The following ENPP1 variants were observed in gnomAD, a reference collection of about 807,000 sequenced individuals.
ENPP1 encodes ectonucleotide pyrophosphatase/phosphodiesterase family member 1.
A neutral mutation model predicts 122.8 loss-of-function variants in ENPP1; 73 were observed. That is an observed-to-expected ratio of 0.59 (90% CI 0.49 to 0.72). The LOEUF is 0.72. ENPP1 is among the 30% of genes least tolerant of loss of function. The probability of loss-of-function intolerance (pLI) is 0.00; values close to 1 mark genes in which losing one functional copy is unlikely to be tolerated. For synonymous variants in ENPP1, 367 were observed against 391.6 expected, an observed-to-expected ratio of 0.94 and a Z score of 0.74; for missense variants, 978 against 1,128.1, an observed-to-expected ratio of 0.87 and a Z score of 1.91.
Position 131,875,574 on chromosome 6 carries a change from A to C in ENPP1, c.1636-202A>C, listed in dbSNP as rs75998327. 0.015 allele frequency among the ~76,000 whole-genome samples: 2,248 copies of C among 152,340 alleles called. 58 individuals carry two copies. Among genetic ancestry groups the C allele is most frequent in the African/African-American group, 0.048 (1,996 of 41,570 alleles). ...TCAAACCAAGAATTGTAGTAAAACT[A>C]AGAGACCTATCCTAGATGTCCTTAG... On this transcript the variant is annotated intron_variant, in intron 16 of 24. Transcript: ENST00000647893.
intron 1 of ENPP1, among the ~76,000 whole-genome samples, chr6:131,847,002 A>G (rs1294440329): frequency 6.6e-6 from 1 of 152,152 alleles, no homozygotes; most frequent in African/African-American, 2.4e-5. Context: ...CAACCCTTAA[A>G]TTTTATAGAT....
rs371904889 is a variant in ENPP1, at chr6:131,876,737, A to C, written c.1724-255A>C. On this transcript the variant is annotated intron_variant, in intron 17 of 24. Coordinates refer to ENST00000647893, the MANE Select transcript of ENPP1 (RefSeq NM_006208.3). Reference sequence around the variant, plus strand: ...TGATTGGCAAAAATATGCATTCAACAGGTTGTGACTGTAGTTATTGTATGC... The same window carrying C: ...TGATTGGCAAAAATATGCATTCAACCGGTTGTGACTGTAGTTATTGTATGC... Among the ~76,000 whole-genome samples the C allele has an allele frequency of 1.6e-4, 24 of 152,356 alleles. No homozygotes were observed. In the East Asian group the frequency reaches 4.6e-3, roughly 29 times the overall value.
rs1014261171 is a variant in ENPP1, at chr6:131,854,843, T to C, written c.618-83T>C. 21 of 935,654 alleles carry C rather than the reference T, an allele frequency of 2.2e-5. No homozygotes were observed. The Admixed American group carries it at 2.4e-4, about 11-fold the overall frequency. 58.0% of individuals were successfully genotyped at this position (935,654 alleles called of 1,614,324 possible). On this transcript the variant is annotated intron_variant, in intron 5 of 24. Transcript: ENST00000647893. ...CTTAGTGGAAAATCTTCACTGGACC[T>C]GTGCCAAGAAGGGGGTACATCTTCA...
At chr6:131,836,584 A>G (rs1025509710) in intron 1 of ENPP1, among the ~76,000 whole-genome samples, 6 of 152,224 alleles carry the variant, frequency 3.9e-5, no homozygotes, top group Admixed American at 2.0e-4. Context: ...AAATAATAGA[A>G]GAACTTGGCG....
intron 22 of ENPP1, 135 bp from the exon 23 acceptor site, chr6:131,884,796 C>A: frequency 9.4e-7 from 1 of 1,065,480 alleles, no homozygotes. Flanking sequence ...CAAAACAAAA[C>A]GAAGACTGAA....
chr6:131,809,664 C>T (rs1781323899), intron 1 of ENPP1, among the ~76,000 whole-genome samples: 1 of 152,296 alleles, frequency 6.6e-6, no homozygotes, highest in South Asian at 2.1e-4. Context: ...GTTTCACACA[C>T]GATGAGGTAG....
intron 1 of ENPP1, among the ~76,000 whole-genome samples, chr6:131,840,066 A>AT (rs1282716444): frequency 6.6e-6 from 1 of 152,268 alleles, no homozygotes; most frequent in Middle Eastern, 3.4e-3. Context: ...TTGTTTTAGG[A>AT]TTTTTCACAG....
intron 1 of ENPP1, among the ~76,000 whole-genome samples, chr6:131,846,923 C>A (rs1315240909): frequency 6.6e-6 from 1 of 152,108 alleles, no homozygotes; most frequent in Non-Finnish European, 1.5e-5. Flanking sequence ...ATGTCAAAGA[C>A]CAGAAGAGTG....
rs1210052067 is a variant in ENPP1, at chr6:131,892,084, G to C, written c.*1573G>C. On this transcript the variant is annotated 3_prime_UTR_variant, in exon 25 of 25. Coordinates refer to ENST00000647893, the MANE Select transcript of ENPP1 (RefSeq NM_006208.3). ...TGCTTGTTGAAGAATTTTTATGATG[G>C]CTGCTGTAAAATCCTTATCAGATAA... The C allele has an allele frequency of 6.6e-6, 1 of 151,910 alleles. No individual in the cohort carries two copies. Among genetic ancestry groups the C allele is most frequent in the Non-Finnish European group, 1.5e-5 (1 of 67,984 alleles). 9.4% of individuals were successfully genotyped at this position (151,910 alleles called of 1,614,324 possible). A position where few individuals can be genotyped will look rare whatever the true frequency, so the allele number is the denominator to read the frequency against.
chr6:131,821,995 A>T lies in ENPP1; in HGVS notation c.240+13720A>T, dbSNP rs560131627. On this transcript the variant is annotated intron_variant, in intron 1 of 24. Coordinates refer to ENST00000647893, the MANE Select transcript of ENPP1 (RefSeq NM_006208.3). ...CCATTTCGATTATAATCTCTGGGAT[A>T]CTAGGAAACAGGTGAATGAAATATT... 2.0e-5 allele frequency among the ~76,000 whole-genome samples: 3 copies of T among 152,356 alleles called. No homozygotes were observed. The South Asian group carries it at 6.2e-4, about 32-fold the overall frequency.
chr6:131,829,816 C>G (rs1194793664), intron 1 of ENPP1, among the ~76,000 whole-genome samples: 3 of 152,158 alleles, frequency 2.0e-5, no homozygotes, highest in East Asian at 3.9e-4. Flanking sequence ...AGCTGGGACC[C>G]TGGGCAGATG....
rs531735642 is a variant in ENPP1, at chr6:131,865,867, G to C, written c.1164+929G>C. ...AAAAATTAGCCGGGCCTGGTGGTGTGTGCCTATAATCCCAGCTACTCAGGA... is the reference window on the plus strand; with the variant it reads ...AAAAATTAGCCGGGCCTGGTGGTGTCTGCCTATAATCCCAGCTACTCAGGA... On this transcript the variant is annotated intron_variant, in intron 11 of 24. Transcript: ENST00000647893. 1.1e-4 allele frequency among the ~76,000 whole-genome samples: 17 copies of C among 152,114 alleles called. No homozygotes were observed. The East Asian group carries it at 3.1e-3, about 28-fold the overall frequency.
At chr6:131,882,988 T>G (rs1327443935) in intron 21 of ENPP1, among the ~76,000 whole-genome samples, 3 of 152,164 alleles carry the variant, frequency 2.0e-5, no homozygotes, top group African/African-American at 7.2e-5. Flanking sequence ...GAGAAGTAGG[T>G]AAAGGTAGAG....
Position 131,847,750 on chromosome 6 carries a change from T to C in ENPP1, c.241-26T>C, listed in dbSNP as rs572771878. The C allele has an allele frequency of 1.4e-5, 20 of 1,474,138 alleles. No individual in the cohort carries two copies. In the South Asian group the frequency reaches 1.9e-4, roughly 14 times the overall value. 91.3% of individuals were successfully genotyped at this position (1,474,138 alleles called of 1,614,324 possible). On this transcript the variant is annotated intron_variant, in intron 1 of 24. Coordinates refer to ENST00000647893, the MANE Select transcript of ENPP1 (RefSeq NM_006208.3). ...AAAATATTTTTTAAAAAAGAAACCA[T>C]GTAATTTTCTCTTTTCTCCCTACAG... is the stretch of plus-strand genomic sequence containing the variant.
At position 131,878,530 on chromosome 6, in the gene ENPP1, A is replaced by G. The variant is rs1197089430; in HGVS notation, c.1894-12A>G. The G allele has an allele frequency of 1.3e-6, 2 of 1,593,376 alleles. No homozygotes were observed. Among genetic ancestry groups the G allele is most frequent in the South Asian group, 2.2e-5 (2 of 90,546 alleles). ...TCTCAGTCCTTAAAAATAGTTTTAT[A>G]ACCTTTTTTAGATTTTGCCGATTGA... is the stretch of plus-strand genomic sequence containing the variant. On this transcript the variant is annotated splice_polypyrimidine_tract_variant and intron_variant, in intron 18 of 24. Coordinates refer to ENST00000647893, the MANE Select transcript of ENPP1 (RefSeq NM_006208.3).
rs1482752718 is a variant in ENPP1 at position 131,817,772 on chromosome 6, C to CACACAG, written c.240+9502_240+9503insGACACA. 3.3e-5 allele frequency among the ~76,000 whole-genome samples: 5 copies of CACACAG among 151,588 alleles called. No individual in the cohort carries two copies. The South Asian group carries it at 8.3e-4, about 25-fold the overall frequency. ...CTCTCCATACACACACACACACACACACACACACACACACGTGTGTATGTA... is the reference window on the plus strand; with the variant it reads ...CTCTCCATACACACACACACACACACACACAGACACACACACACACGTGTGTATGTA... On this transcript the variant is annotated intron_variant, in intron 1 of 24. Transcript: ENST00000647893.
intron 9 of ENPP1, among the ~76,000 whole-genome samples, chr6:131,862,051 C>T (rs1450648594): frequency 6.6e-6 from 1 of 152,046 alleles, no homozygotes; most frequent in East Asian, 1.9e-4. Flanking sequence ...CGCCTGTAAT[C>T]CCAGCTACTC....
At chr6:131,809,601 C>G (rs1031006490) in intron 1 of ENPP1, among the ~76,000 whole-genome samples, 1 of 152,144 alleles carries the variant, frequency 6.6e-6, no homozygotes, top group Admixed American at 6.5e-5. Context: ...AATGGAAGAC[C>G]TTAGCTTTTA....
intron 2 of ENPP1, 65 bp from the exon 3 acceptor site, chr6:131,849,925 C>T (rs1023900255): frequency 1.5e-5 from 17 of 1,157,572 alleles, no homozygotes; most frequent in African/African-American, 6.1e-5. Flanking sequence ...TAGTTGTATT[C>T]GTTGATGTTT....
Sources: allele counts gnomAD v4.1 joint callset (sites outside exome capture counted in the v4.1 genomes callset), GRCh38; gene constraint gnomAD v4.1.1; transcripts MANE v1.5; gene names NCBI Gene and HGNC (gene_info 2026-07-23, HGNC 2026-07-21).